The following DCLK1 variants were observed in gnomAD, a reference collection of about 807,000 sequenced individuals.
The protein encoded by DCLK1 is doublecortin like kinase 1.
Under a neutral mutation model 86.2 loss-of-function variants are expected in DCLK1, and 16 were observed. That is an observed-to-expected ratio of 0.19 (90% CI 0.13 to 0.28). DCLK1 has a LOEUF of 0.28. DCLK1 is among the 10% of genes least tolerant of loss of function. The pLI is 1.00. For missense variants in DCLK1, 590 were observed against 940.2 expected (o/e 0.63, Z 4.87); for synonymous variants, 369 against 370.5 (o/e 1.00, Z 0.05).
intron 4 of DCLK1, among the ~76,000 whole-genome samples, chr13:35,943,873 C>G (rs1566613947): frequency 1.3e-5 from 2 of 152,258 alleles, no homozygotes; most frequent in Admixed American, 1.3e-4. Flanking sequence ...TGACATTTTC[C>G]CTGCCTCTGT....
chr13:35,871,414 A>G, intron 4 of DCLK1, 74 bp from the exon 5 acceptor site: 6 of 1,206,372 alleles, frequency 5.0e-6, no homozygotes, highest in Non-Finnish European at 6.1e-6. Flanking sequence ...TGCACAATAA[A>G]CCTGGAAGTA....
At chr13:35,812,308 C>T (rs1295870815) in intron 11 of DCLK1, among the ~76,000 whole-genome samples, 1 of 124,750 alleles carries the variant, frequency 8.0e-6, no homozygotes, top group African/African-American at 3.8e-5. Context: ...CTAGTAATTC[C>T]AGCAAGGGCA....
intron 3 of DCLK1, among the ~76,000 whole-genome samples, chr13:35,990,103 T>C (rs1209108685): frequency 6.6e-6 from 1 of 152,136 alleles, no homozygotes; most frequent in Non-Finnish European, 1.5e-5. Flanking sequence ...GCATAGAAAA[T>C]ATATTTGTGG....
intron 3 of DCLK1, among the ~76,000 whole-genome samples, chr13:35,972,705 T>C (rs747196365): frequency 2.0e-5 from 3 of 152,040 alleles, no homozygotes; most frequent in Non-Finnish European, 4.4e-5. Context: ...TGAGGTGGAC[T>C]CAAAAGATGG....
At chr13:35,804,244 C>T (rs2086980062) in intron 15 of DCLK1, among the ~76,000 whole-genome samples, 1 of 151,952 alleles carries the variant, frequency 6.6e-6, no homozygotes, top group African/African-American at 2.4e-5. Flanking sequence ...GATTCTACTG[C>T]CTCAGCCTCC....
At chr13:35,836,669 G>A (rs775546460) in intron 7 of DCLK1, among the ~76,000 whole-genome samples, 28 of 152,188 alleles carry the variant, frequency 1.8e-4, no homozygotes, top group Non-Finnish European at 3.5e-4. Context: ...ACCCGTCCTC[G>A]GTATCAACGA....
chr13:35,908,298 C>T (rs1294486816), intron 4 of DCLK1, among the ~76,000 whole-genome samples: 1 of 152,180 alleles, frequency 6.6e-6, no homozygotes, highest in Admixed American at 6.5e-5. Context: ...CAATACTATT[C>T]ATCATTTCTC....
At chr13:35,937,952 C>A (rs1876854744) in intron 4 of DCLK1, among the ~76,000 whole-genome samples, 1 of 151,790 alleles carries the variant, frequency 6.6e-6, no homozygotes, top group Admixed American at 6.6e-5. Flanking sequence ...TGGCTGTGGG[C>A]TGAAAGAAGA....
At chr13:36,054,086 A>G (rs1883216333) in intron 3 of DCLK1, among the ~76,000 whole-genome samples, 2 of 152,204 alleles carry the variant, frequency 1.3e-5, no homozygotes, top group South Asian at 2.1e-4. Flanking sequence ...TCGAGCAAAC[A>G]GCCTTGGAAG....
intron 4 of DCLK1, among the ~76,000 whole-genome samples, chr13:35,884,972 T>C (rs1241677673): frequency 1.3e-5 from 2 of 152,164 alleles, no homozygotes; most frequent in Non-Finnish European, 2.9e-5. Context: ...TCTAGCACCT[T>C]GCAAGATGAG....
Position 35,996,209 on chromosome 13 carries a change from G to A in DCLK1, c.724-48752C>T, listed in dbSNP as rs370051093. ...CTCCCAAAATGCTAAGATTCTAGGC[G>A]TAAGCCACTGCACCCTGCCAACCTA... On this transcript the variant is annotated intron_variant, in intron 3 of 16. Transcript: ENST00000360631. Among the ~76,000 whole-genome samples the A allele has an allele frequency of 1.1e-4, 16 of 152,174 alleles. 1 individual carries two copies. Among genetic ancestry groups the A allele is most frequent in the South Asian group, 4.1e-4 (2 of 4,834 alleles).
intron 3 of DCLK1, among the ~76,000 whole-genome samples, chr13:36,078,038 C>T (rs964752288): frequency 4.6e-5 from 7 of 152,116 alleles, no homozygotes; most frequent in African/African-American, 7.2e-5. Flanking sequence ...CCCAATACGA[C>T]GGTATTTGGA....
chr13:35,979,650 T>C (rs1008651404), intron 3 of DCLK1, among the ~76,000 whole-genome samples: 38 of 152,248 alleles, frequency 2.5e-4, no homozygotes, highest in African/African-American at 8.9e-4. Flanking sequence ...CAAGTGCTGA[T>C]GATTCACTGC....
intron 3 of DCLK1, among the ~76,000 whole-genome samples, chr13:36,002,294 T>C (rs192382736): frequency 1.6e-4 from 24 of 152,296 alleles, no homozygotes; most frequent in Admixed American, 1.4e-3. Context: ...TGTTCTGAGT[T>C]TCAATTTAGT....
intron 15 of DCLK1, among the ~76,000 whole-genome samples, chr13:35,797,713 T>C (rs2086840341): frequency 6.6e-6 from 1 of 152,110 alleles, no homozygotes; most frequent in South Asian, 2.1e-4. Flanking sequence ...TGCAGTGTTT[T>C]TATATAAATT....
At chr13:35,827,513 C>T in intron 10 of DCLK1, 122 bp downstream of exon 10, 1 of 1,203,820 alleles carries the variant, frequency 8.3e-7, no homozygotes, top group Non-Finnish European at 1.2e-6. Context: ...TTCCTAATCA[C>T]TGGGCCAATG....
At chr13:35,932,584 T>C (rs576316890) in intron 4 of DCLK1, among the ~76,000 whole-genome samples, 1 of 152,308 alleles carries the variant, frequency 6.6e-6, no homozygotes, top group East Asian at 1.9e-4. Context: ...ACGTCTTATA[T>C]GGATGGCAGC....
At chr13:35,791,517 T>G (rs2086708149) in intron 16 of DCLK1, among the ~76,000 whole-genome samples, 1 of 152,180 alleles carries the variant, frequency 6.6e-6, no homozygotes, top group Admixed American at 6.5e-5. Flanking sequence ...ATGAGTGTTT[T>G]AAGATCCAGC....
At chr13:36,120,373 T>G (rs1405856504) in intron 2 of DCLK1, among the ~76,000 whole-genome samples, 2 of 152,206 alleles carry the variant, frequency 1.3e-5, no homozygotes, top group African/African-American at 4.8e-5. Context: ...TTTCTATGTC[T>G]AGAGATGTTT....
Sources: gnomAD v4.1 joint callset for allele counts (sites outside exome capture counted in the v4.1 genomes callset) on GRCh38, gnomAD v4.1.1 for gene constraint, MANE v1.5 for transcripts, NCBI Gene and HGNC (gene_info 2026-07-23, HGNC 2026-07-21) for gene names.